Variants in KRT7 observed in about 807,000 individuals in gnomAD.
KRT7 encodes the protein keratin, type II cytoskeletal 7.
KRT7 carries 50 observed loss-of-function variants against 42.8 expected under a neutral mutation model. The ratio of observed to expected loss-of-function variants is 1.17; its 90% CI spans 0.93 to 1.48. KRT7 has a LOEUF of 1.48. Ranked by LOEUF, KRT7 falls within the 40% of genes most tolerant of loss-of-function variation. The pLI is 0.00. For missense variants in KRT7, 588 were observed against 637.6 expected (o/e 0.92, Z 0.84); for synonymous variants, 268 against 266.3 (o/e 1.01, Z -0.06).
At chr12:52,235,420 T>A in intron 2 of KRT7, 54 bp downstream of exon 2, 1 of 1,475,802 alleles carries the variant, frequency 6.8e-7, no homozygotes, top group Non-Finnish European at 9.2e-7. Flanking sequence ...AATGTGACCC[T>A]CATGAGCTGA....
intron 6 of KRT7, chr12:52,245,085 G>A (rs951745886): frequency 2.4e-5 from 11 of 451,866 alleles, no homozygotes; most frequent in Admixed American, 4.1e-5. Flanking sequence ...CTTGCTGTGT[G>A]CTAGACATTG....
intron 7 of KRT7, 188 bp downstream of exon 7, chr12:52,245,820 A>G: frequency 1.4e-6 from 1 of 724,388 alleles, no homozygotes; most frequent in Non-Finnish European, 2.2e-6. Flanking sequence ...AGAAGGAAAG[A>G]CCATGGAGTG....
chr12:52,252,628 T>C, downstream of KRT7: 6 of 987,896 alleles, frequency 6.1e-6, no homozygotes, highest in South Asian at 5.1e-5. Flanking sequence ...CCCAGGCATG[T>C]TTGCACAGTG....
At chr12:52,252,857 G>A (rs114943813), downstream of KRT7, among the ~76,000 whole-genome samples, 2,535 of 152,288 alleles carry the variant, frequency 0.017, 19 homozygotes, top group Middle Eastern at 0.041. Flanking sequence ...CCCCATTGAT[G>A]TCTGAATGTG....
At chr12:52,237,488 C>T (rs1379128836) in intron 2 of KRT7, 21 bp from the exon 3 acceptor site, 7 of 1,590,812 alleles carry the variant, frequency 4.4e-6, no homozygotes, top group African/African-American at 1.3e-5. Flanking sequence ...TGCATCAACA[C>T]CAGGCCCTCC....
chr12:52,252,098 A>G, downstream of KRT7: 1 of 929,338 alleles, frequency 1.1e-6, no homozygotes, highest in Non-Finnish European at 1.7e-6. Context: ...AGTTGTGGGG[A>G]GCAAAGCTGG....
Position 52,235,247 on chromosome 12 carries a change from C to T in KRT7, c.417C>T (p.Asp139=). 6.2e-7 allele frequency: 1 copy of T among 1,614,192 alleles called. No individual in the cohort carries two copies. Among genetic ancestry groups the T allele is most frequent in the Non-Finnish European group, 8.5e-7 (1 of 1,180,016 alleles). ...CGGCCAAGAGCAGCCGCCTCCCAGA[C>T]ATCTTTGAGGCCCAGATTGCTGGCC... ...QKSAKSSRLP[D]IFEAQIAGLR... is the part of the protein sequence containing the mutation. Residue 139 remains aspartate, a synonymous_variant, in exon 2 of 9, where the codon GAC becomes GAT. Coordinates refer to ENST00000331817, the MANE Select transcript of KRT7 (RefSeq NM_005556.4).
At chr12:52,242,842 C>A (rs1268998280) in intron 5 of KRT7, among the ~76,000 whole-genome samples, 170 bp from the exon 6 acceptor site, 1 of 152,140 alleles carries the variant, frequency 6.6e-6, no homozygotes, top group Non-Finnish European at 1.5e-5. Flanking sequence ...GAGAATGAAT[C>A]CCTTCCTCAC....
At position 52,243,064 on chromosome 12, in the gene KRT7, C is replaced by A; in HGVS notation, c.911C>A (p.Thr304Asn). 2 of 1,613,894 alleles carry A rather than the reference C, an allele frequency of 1.2e-6. No individual in the cohort carries two copies. Among genetic ancestry groups the A allele is most frequent in the Middle Eastern group, 1.7e-4 (1 of 6,056 alleles). Residue 304 changes from threonine to asparagine, a missense_variant, in exon 6 of 9, where the codon ACC (threonine) becomes AAC (asparagine). Thr to Asn is a moderately conservative substitution (Grantham distance 65). Coordinates refer to ENST00000331817, the MANE Select transcript of KRT7 (RefSeq NM_005556.4). ...AGKHGDDLRN[T>N]RNEISEMNRA... Reference sequence around the variant, plus strand: ...AAGCATGGGGACGACCTCCGGAATACCCGGAATGAGATTTCAGAGATGAAC... The same window carrying A: ...AAGCATGGGGACGACCTCCGGAATAACCGGAATGAGATTTCAGAGATGAAC...
intron 8 of KRT7, 115 bp from the exon 9 acceptor site, chr12:52,248,476 G>T: frequency 8.6e-7 from 1 of 1,160,260 alleles, no homozygotes; most frequent in East Asian, 2.4e-5. Flanking sequence ...CCCATGGAGG[G>T]GGGCAGGGGT....
intron 7 of KRT7, 85 bp from the exon 8 acceptor site, chr12:52,248,092 T>C: frequency 7.8e-7 from 1 of 1,279,472 alleles, no homozygotes; most frequent in Non-Finnish European, 1.1e-6. Context: ...TGATCCTGCT[T>C]GGGGCCTGGA....
chr12:52,243,173 G>A, intron 6 of KRT7, 36 bp downstream of exon 6: 1 of 1,583,274 alleles, frequency 6.3e-7, no homozygotes. Context: ...CTGCTACTTG[G>A]GGCATGCAGG....
rs765265437 is a variant in KRT7 at position 52,233,422 on chromosome 12, C to T, written c.126C>T (p.Leu42=). The stretch of plus-strand genomic sequence containing the variant: ...TTGGCAGCAGCAGCCTCTACGGCCT[C>T]GGCGCCTCACGGCCGCGCGTGGCCG... ...GGLGSSSLYG[L]GASRPRVAVR... The change falls in exon 1 of 9, where the codon CTC becomes CTT. Residue 42 remains leucine, a synonymous_variant. Coordinates refer to ENST00000331817, the MANE Select transcript of KRT7 (RefSeq NM_005556.4). 6.4e-7 allele frequency: 1 copy of T among 1,553,912 alleles called. No individual in the cohort carries two copies. Among genetic ancestry groups the T allele is most frequent in the Non-Finnish European group, 8.6e-7 (1 of 1,157,828 alleles).
At chr12:52,253,181 C>A (rs747766666), downstream of KRT7, 3 of 1,580,914 alleles carry the variant, frequency 1.9e-6, no homozygotes, top group South Asian at 3.3e-5. Flanking sequence ...CCACTCTCTT[C>A]CTACACTGAG....
intron 7 of KRT7, 114 bp from the exon 8 acceptor site, chr12:52,248,063 G>A: frequency 1.0e-6 from 1 of 1,000,704 alleles, no homozygotes; most frequent in Non-Finnish European, 1.6e-6. Flanking sequence ...GGAAGTGTGG[G>A]GCAAGAAGGA....
chr12:52,241,769 G>A, intron 5 of KRT7, 133 bp downstream of exon 5: 2 of 735,950 alleles, frequency 2.7e-6, no homozygotes, highest in Non-Finnish European at 4.4e-6. Flanking sequence ...TTAAGTCTGT[G>A]GTGCTCAGCC....
downstream of KRT7, chr12:52,253,828 C>T (rs1942301640): frequency 1.9e-6 from 1 of 531,012 alleles, no homozygotes; most frequent in South Asian, 1.5e-5. Context: ...GTAGCCCACC[C>T]TCATCATCAT....
At chr12:52,244,368 A>G (rs1942138657) in intron 6 of KRT7, 1 of 985,608 alleles carries the variant, frequency 1.0e-6, no homozygotes, top group Non-Finnish European at 1.2e-6. Flanking sequence ...CTCTCACACA[A>G]CAGGGCGGAT....
At chr12:52,250,607 C>T, downstream of KRT7, 2 of 1,117,426 alleles carry the variant, frequency 1.8e-6, no homozygotes, top group Non-Finnish European at 2.6e-6. Context: ...CGCACAGGTC[C>T]CCGCATAAGA....
Sources: gnomAD v4.1 joint callset for allele counts (sites outside exome capture counted in the v4.1 genomes callset) on GRCh38, gnomAD v4.1.1 for gene constraint, MANE v1.5 for transcripts, NCBI Gene and HGNC (gene_info 2026-07-23, HGNC 2026-07-21) for gene names.